DSP: variants seen among roughly 807,000 people sequenced by gnomAD.
The protein encoded by DSP is 250/210 kDa paraneoplastic pemphigus antigen.
In DSP, 114 loss-of-function variants were observed where a neutral mutation model predicts 290.6. The ratio of observed to expected loss-of-function variants is 0.39; its 90% CI spans 0.34 to 0.46. The LOEUF (loss-of-function observed/expected upper bound fraction) is 0.46. Among genes scored for constraint, DSP ranks in the 20% least tolerant of loss-of-function variants. The probability of loss-of-function intolerance (pLI) is 0.99; values close to 1 mark genes in which losing one functional copy is unlikely to be tolerated. For synonymous variants in DSP, 1,311 were observed against 1,316.4 expected, an observed-to-expected ratio of 1.00 and a Z score of 0.09; for missense variants, 3,230 against 3,495.8, an observed-to-expected ratio of 0.92 and a Z score of 1.92.
At chr6:7,543,590 C>T (rs1390122677) in intron 1 of DSP, among the ~76,000 whole-genome samples, 1 of 152,080 alleles carries the variant, frequency 6.6e-6, no homozygotes, top group African/African-American at 2.4e-5. Flanking sequence ...TTTTCTCCCG[C>T]AGTCCTCCAG....
intron 19 of DSP, 100 bp downstream of exon 19, chr6:7,576,556 G>A: frequency 2.7e-6 from 4 of 1,469,030 alleles, no homozygotes; most frequent in Non-Finnish European, 3.8e-6. Flanking sequence ...TTGAAATGAT[G>A]AATATTTAAT....
chr6:7,546,280 CAT>C (rs897794390), intron 1 of DSP, among the ~76,000 whole-genome samples: 2 of 152,186 alleles, frequency 1.3e-5, no homozygotes, highest in Admixed American at 1.3e-4. Context: ...TCGAGTGACT[CAT>C]AGCGTAGATA....
At chr6:7,548,211 G>A (rs547134608) in intron 1 of DSP, among the ~76,000 whole-genome samples, 73 of 151,942 alleles carry the variant, frequency 4.8e-4, no homozygotes, top group African/African-American at 1.6e-3. Context: ...AGGTTGCAGC[G>A]AGCTGAGATC....
At chr6:7,555,882 GT>G in intron 2 of DSP, 62 bp downstream of exon 2, 2 of 1,502,392 alleles carry the variant, frequency 1.3e-6, no homozygotes, top group Non-Finnish European at 1.8e-6. Flanking sequence ...CTGTCCTCTG[GT>G]TAGCTTCTGC....
intron 1 of DSP, among the ~76,000 whole-genome samples, chr6:7,553,338 T>C (rs1176551779): frequency 1.3e-5 from 2 of 152,230 alleles, no homozygotes; most frequent in African/African-American, 4.8e-5. Flanking sequence ...TGACTTTCCA[T>C]TGTGCTAAGA....
At chr6:7,554,082 A>AAAAC (rs1554105401) in intron 1 of DSP, among the ~76,000 whole-genome samples, 1 of 115,898 alleles carries the variant, frequency 8.6e-6, no homozygotes, top group Non-Finnish European at 1.7e-5. Flanking sequence ...CTTTCTTTAA[A>AAAAC]ACACACACAC....
At chr6:7,572,103 G>T in intron 15 of DSP, 35 bp downstream of exon 15, 2 of 1,562,140 alleles carry the variant, frequency 1.3e-6, no homozygotes, top group African/African-American at 2.7e-5. Context: ...TGGTTACCCT[G>T]TATATTTTTA....
chr6:7,554,058 TAAACAG>T (rs1758419742), intron 1 of DSP, among the ~76,000 whole-genome samples: 1 of 136,636 alleles, frequency 7.3e-6, no homozygotes, highest in East Asian at 2.3e-4. Context: ...CATTTTTTTT[TAAACAG>T]TGAAATTCTT....
rs761888068 is a variant in DSP, at chr6:7,584,207, C to G, written c.6945C>G (p.Ala2315=). The G allele has an allele frequency of 1.2e-6, 2 of 1,613,986 alleles. No homozygotes were observed. The highest frequency in any genetic ancestry group is 2.7e-5 in the African/African-American group (2 of 74,906). Residue 2315 remains alanine, a synonymous_variant, in exon 24 of 24, where the codon GCC becomes GCG. Coordinates refer to ENST00000379802, the MANE Select transcript of DSP (RefSeq NM_004415.4). This position sits in a 1 kb window ranked among gnomAD's most constrained non-coding sequence, Gnocchi z 6.4. ...ACTTGAGGTTACCAGTGGAGGAAGC[C>G]TACAAGAGAGGTCTGGTGGGCATTG... is the stretch of plus-strand genomic sequence containing the variant. The part of the protein sequence containing the change: ...VSNLRLPVEE[A]YKRGLVGIEF...
chr6:7,544,246 C>A (rs1056055426), intron 1 of DSP, among the ~76,000 whole-genome samples: 1 of 152,166 alleles, frequency 6.6e-6, no homozygotes, highest in Admixed American at 6.5e-5. Flanking sequence ...ATGCTGACTT[C>A]TGCGTTTTCA....
At chr6:7,552,990 C>A (rs766787140) in intron 1 of DSP, among the ~76,000 whole-genome samples, 5 of 152,132 alleles carry the variant, frequency 3.3e-5, no homozygotes, top group African/African-American at 1.2e-4. Flanking sequence ...ATGTACACTT[C>A]GGTGCGTTCA....
rs1229128923 is a variant in DSP, at chr6:7,585,172, T to C, written c.7910T>C (p.Ile2637Thr). The C allele has an allele frequency of 1.9e-6, 3 of 1,614,008 alleles. No individual in the cohort carries two copies. Among genetic ancestry groups the C allele is most frequent in the African/African-American group, 1.3e-5 (1 of 74,902 alleles). Reference sequence around the variant, plus strand: ...GAGAAAATCTCCATTACAGAAGGTATAGAGCGGGGCATCGTTGACAGCATC... The same window carrying C: ...GAGAAAATCTCCATTACAGAAGGTACAGAGCGGGGCATCGTTGACAGCATC... ...NLEKISITEGIERGIVDSITG... is the reference protein window; with the variant it reads ...NLEKISITEGTERGIVDSITG... Residue 2637 changes from isoleucine (I) to threonine (T), a missense_variant, in exon 24 of 24, where the codon ATA (isoleucine) becomes ACA (threonine). Ile to Thr is a moderately conservative substitution (Grantham distance 89). This residue lies in a region of DSP where 582 missense variants were observed against 555.4 expected (regional missense o/e 1.05). Transcript: ENST00000379802.
At chr6:7,577,273 T>C (rs1433289668) in intron 20 of DSP, among the ~76,000 whole-genome samples, 1 of 152,240 alleles carries the variant, frequency 6.6e-6, no homozygotes, top group African/African-American at 2.4e-5. Flanking sequence ...TGGTAGGTGC[T>C]GCATTCTCCA....
intron 17 of DSP, 37 bp downstream of exon 17, chr6:7,574,832 G>A (rs1287119377): frequency 8.1e-6 from 13 of 1,613,920 alleles, no homozygotes; most frequent in African/African-American, 2.7e-5. Flanking sequence ...CCAACTTACA[G>A]GAACTAATTC....
chr6:7,549,422 T>G (rs1179858197), intron 1 of DSP, among the ~76,000 whole-genome samples: 1 of 152,230 alleles, frequency 6.6e-6, no homozygotes, highest in East Asian at 1.9e-4. Context: ...GTGTTGGGAT[T>G]ACAGGCGTGA....
At position 7,582,960 on chromosome 6, in the gene DSP, G is replaced by C; in HGVS notation, c.5698G>C (p.Glu1900Gln). The change falls in exon 24 of 24, where the codon GAA becomes CAA. Residue 1900 changes from glutamate (E) to glutamine (Q), a missense_variant. This residue lies in a region of DSP where 1,714 missense variants were observed against 1,844.5 expected (regional missense o/e 0.93). Transcript: ENST00000379802. This position sits in a 1 kb window ranked among gnomAD's most constrained non-coding sequence, Gnocchi z 4.2. ...GAAGAACAGTCTTAGGAGTGAGATC[G>C]AAAGACTCCAAGCAGAGATCAAGAG... ...REKNSLRSEI[E>Q]RLQAEIKRIE... The C allele has an allele frequency of 6.2e-7, 1 of 1,614,038 alleles. No individual in the cohort carries two copies. Among genetic ancestry groups the C allele is most frequent in the Middle Eastern group, 1.6e-4 (1 of 6,062 alleles).
chr6:7,576,844 A>G (rs186687718), intron 19 of DSP, 115 bp from the exon 20 acceptor site: 4 of 913,362 alleles, frequency 4.4e-6, no homozygotes, highest in Admixed American at 4.4e-5. Flanking sequence ...AGACAAGTAC[A>G]TGTAGTAATA....
intron 4 of DSP, among the ~76,000 whole-genome samples, chr6:7,560,259 C>T (rs1758638654): frequency 6.6e-6 from 1 of 152,210 alleles, no homozygotes; most frequent in African/African-American, 2.4e-5. Context: ...TAGACTAATT[C>T]AGCAGTGGTT....
intron 21 of DSP, 61 bp downstream of exon 21, chr6:7,577,947 C>T (rs1759295672): frequency 6.7e-6 from 9 of 1,338,980 alleles, no homozygotes; most frequent in Non-Finnish European, 9.6e-6. Flanking sequence ...TCCCTTTTCC[C>T]TGTCTCCTGC....
Sources: allele counts gnomAD v4.1 joint callset (sites outside exome capture counted in the v4.1 genomes callset), GRCh38; gene constraint gnomAD v4.1.1; regional missense constraint gnomAD v4.1.1; non-coding constraint Gnocchi (gnomAD v3.1); transcripts MANE v1.5; gene names NCBI Gene and HGNC (gene_info 2026-07-23, HGNC 2026-07-21).